Variants in PCDHGA9 observed in about 807,000 individuals in gnomAD.
The protein encoded by PCDHGA9 is protocadherin gamma subfamily A, 9.
In PCDHGA9, 37 loss-of-function variants were observed where a neutral mutation model predicts 62.5. The ratio of observed to expected loss-of-function variants is 0.59; its 90% CI spans 0.46 to 0.78. The LOEUF (loss-of-function observed/expected upper bound fraction) is 0.78. PCDHGA9 is among the 30% of genes least tolerant of loss of function. The pLI, the probability that PCDHGA9 is intolerant of heterozygous loss-of-function variation, is 0.00. For synonymous variants in PCDHGA9, 459 were observed against 484.6 expected (o/e 0.95, Z 0.69); for missense variants, 1,138 against 1,166.2 (o/e 0.98, Z 0.35).
Position 141,477,256 on chromosome 5 carries a change from T to G in PCDHGA9, c.2425-17551T>G. 2 of 1,614,210 alleles carry G rather than the reference T, an allele frequency of 1.2e-6. No homozygotes were observed. The highest frequency in any genetic ancestry group is 1.7e-6 in the Non-Finnish European group (2 of 1,180,038). On this transcript the variant is annotated intron_variant, in intron 1 of 3. Coordinates refer to ENST00000573521, the MANE Select transcript of PCDHGA9 (RefSeq NM_018921.3). This position sits in a 1 kb window ranked among gnomAD's most constrained non-coding sequence, Gnocchi z 4.9. Reference sequence around the variant, plus strand: ...CTTTGCTCAGTGTGACTGACCTGGATGCTGGCGAGAACGGGCTGGTGACCT... The same window carrying G: ...CTTTGCTCAGTGTGACTGACCTGGAGGCTGGCGAGAACGGGCTGGTGACCT...
At chr5:141,510,158 A>G (rs1406170246) in intron 3 of PCDHGA9, among the ~76,000 whole-genome samples, 1 of 152,018 alleles carries the variant, frequency 6.6e-6, no homozygotes, top group African/African-American at 2.4e-5. Flanking sequence ...CTGTAATCTC[A>G]GCTACTCAGG....
Position 141,423,176 on chromosome 5 carries a change from A to C in PCDHGA9, c.2424+17800A>C, listed in dbSNP as rs781125798. Reference sequence around the variant, plus strand: ...AGCCTCGTGGTGGCCGTCCAGGACCACGGCCAGCCCCCTCTCTCGGCCACC... The same window carrying C: ...AGCCTCGTGGTGGCCGTCCAGGACCCCGGCCAGCCCCCTCTCTCGGCCACC... On this transcript the variant is annotated intron_variant, in intron 1 of 3. Transcript: ENST00000573521. 1.7e-5 allele frequency: 28 copies of C among 1,613,356 alleles called. No homozygotes were observed. In the African/African-American group the frequency reaches 3.6e-4, roughly 21 times the overall value.
intron 1 of PCDHGA9, chr5:141,408,283 C>G (rs62378453): frequency 0.09 from 144,952 of 1,612,732 alleles, 7,152 homozygotes; most frequent in African/African-American, 0.18. Flanking sequence ...TGTTCTACCC[C>G]ACCCTGAGTG....
intron 1 of PCDHGA9, chr5:141,409,635 AC>A: frequency 6.2e-7 from 1 of 1,613,784 alleles, no homozygotes; most frequent in Non-Finnish European, 8.5e-7. Context: ...AGCGCCTCTG[AC>A]CCGGATTTGG....
In PCDHGA9 at chr5:141,423,512, C is replaced by T. The variant is rs765694240; in HGVS notation, c.2424+18136C>T. 55 of 1,613,552 alleles carry T rather than the reference C, an allele frequency of 3.4e-5. No individual in the cohort carries two copies. The highest frequency in any genetic ancestry group is 2.8e-4 in the African/African-American group (21 of 74,924). On this transcript the variant is annotated intron_variant, in intron 1 of 3. Coordinates refer to ENST00000573521, the MANE Select transcript of PCDHGA9 (RefSeq NM_018921.3). ...TATTCCCACGAGGTCTCTCTCATTGCGGACTCGCAGAAGAGTCACCTGATT... is the reference window on the plus strand; with the variant it reads ...TATTCCCACGAGGTCTCTCTCATTGTGGACTCGCAGAAGAGTCACCTGATT...
chr5:141,430,725 G>A (rs1436128094), intron 1 of PCDHGA9: 4 of 1,497,276 alleles, frequency 2.7e-6, no homozygotes, highest in Admixed American at 2.4e-5. Flanking sequence ...AGTGGTTAAG[G>A]GCAGAATTGA....
At position 141,505,425 on chromosome 5, in the gene PCDHGA9, C is replaced by G; in HGVS notation, c.2516C>G (p.Pro839Arg). 1 of 1,614,178 alleles carries G rather than the reference C, an allele frequency of 6.2e-7. No individual in the cohort carries two copies. Among genetic ancestry groups the G allele is most frequent in the Non-Finnish European group, 8.5e-7 (1 of 1,180,014 alleles). ...SQNGDDTGTW[P>R]NNQFDTEMLQ... ...AATGGCGATGACACCGGCACCTGGC[C>G]CAACAACCAGTTTGACACAGAGATG... The change falls in exon 3 of 4, where the codon CCC becomes CGC. Residue 839 changes from proline to arginine, a missense_variant. Transcript: ENST00000573521.
intron 1 of PCDHGA9, among the ~76,000 whole-genome samples, chr5:141,425,078 G>A (rs1196415752): frequency 3.9e-5 from 6 of 152,112 alleles, no homozygotes; most frequent in Admixed American, 6.5e-5. Flanking sequence ...AATTTCAACT[G>A]TAGGAAAGGC....
chr5:141,414,855 C>G, intron 1 of PCDHGA9: 1 of 1,614,238 alleles, frequency 6.2e-7, no homozygotes, highest in South Asian at 1.1e-5. Flanking sequence ...TGGACCAGAA[C>G]GACAATGCGC....
Position 141,402,902 on chromosome 5 carries a change from G to GA in PCDHGA9, c.-49dup. The GA allele has an allele frequency of 6.6e-7, 1 of 1,522,022 alleles. No individual in the cohort carries two copies. The highest frequency in any genetic ancestry group is 8.8e-7 in the Non-Finnish European group (1 of 1,136,254). 94.3% of individuals were successfully genotyped at this position (1,522,022 alleles called of 1,614,324 possible). A position where few individuals can be genotyped will look rare whatever the true frequency, so the allele number is the denominator to read the frequency against. ...TGCAGGGTGGAAGAAAGAACCTGAT[G>GA]AAGCAGCGCGCACAGAGATCCTTTT... is the stretch of plus-strand genomic sequence containing the variant. On this transcript the variant is annotated 5_prime_UTR_variant, in exon 1 of 4. An upstream open reading frame in the 5' UTR loses its in-frame stop. Coordinates refer to ENST00000573521, the MANE Select transcript of PCDHGA9 (RefSeq NM_018921.3).
intron 1 of PCDHGA9, chr5:141,423,450 T>G (rs571358720): frequency 1.2e-6 from 2 of 1,614,050 alleles, no homozygotes; most frequent in East Asian, 4.5e-5. Flanking sequence ...CGTCACATTT[T>G]GTAGGCGTGG....
chr5:141,463,018 T>C (rs1318740358), intron 1 of PCDHGA9, among the ~76,000 whole-genome samples: 1 of 152,212 alleles, frequency 6.6e-6, no homozygotes, highest in Admixed American at 6.5e-5. Flanking sequence ...AATTCTGACT[T>C]TTTTGATTAA....
Position 141,402,817 on chromosome 5 carries a change from C to T in PCDHGA9, c.-136C>T, listed in dbSNP as rs1040353038. On this transcript the variant is annotated 5_prime_UTR_variant, in exon 1 of 4. Transcript: ENST00000573521. ...ACAAAACCCGGCAGATACCACAAACCTGCTCCCAGGCTGCAGCAAAACTCA... is the reference window on the plus strand; with the variant it reads ...ACAAAACCCGGCAGATACCACAAACTTGCTCCCAGGCTGCAGCAAAACTCA... The T allele has an allele frequency of 6.3e-6, 8 of 1,267,616 alleles. No homozygotes were observed. In the African/African-American group the frequency reaches 1.2e-4, roughly 19 times the overall value. The allele number at this position is 1,267,616 out of a possible 1,614,324, so 78.5% of individuals were successfully genotyped here.
In PCDHGA9 at chr5:141,409,431, T is replaced by C. The variant is rs191277647; in HGVS notation, c.2424+4055T>C. 41 of 1,614,006 alleles carry C rather than the reference T, an allele frequency of 2.5e-5. No homozygotes were observed. In the African/African-American group the frequency reaches 3.9e-4, roughly 15 times the overall value. Reference sequence around the variant, plus strand: ...TACAAACTGGTGACAGATGGAGCCCTGGACCGAGAGCAGACACCAGAATAC... The same window carrying C: ...TACAAACTGGTGACAGATGGAGCCCCGGACCGAGAGCAGACACCAGAATAC... On this transcript the variant is annotated intron_variant, in intron 1 of 3. Transcript: ENST00000573521.
At position 141,489,590 on chromosome 5, in the gene PCDHGA9, T is replaced by C; in HGVS notation, c.2425-5217T>C. The C allele has an allele frequency of 6.2e-7, 1 of 1,614,044 alleles. No homozygotes were observed. Among genetic ancestry groups the C allele is most frequent in the Non-Finnish European group, 8.5e-7 (1 of 1,179,984 alleles). ...GTGACTGAACACCCCCTGGAGCTAA[T>C]CCGTGTAGAGGTAGAGATCCTGGAT... On this transcript the variant is annotated intron_variant, in intron 1 of 3. Transcript: ENST00000573521. The surrounding 1 kb of genome is among the most constrained non-coding windows in gnomAD (Gnocchi z 4.5).
chr5:141,422,686 C>T, intron 1 of PCDHGA9: 1 of 1,605,000 alleles, frequency 6.2e-7, no homozygotes, highest in East Asian at 2.2e-5. Flanking sequence ...ACAGAATGCC[C>T]TGGTCACTTA....
chr5:141,451,205 C>G (rs1023049434), intron 1 of PCDHGA9, among the ~76,000 whole-genome samples: 2 of 152,142 alleles, frequency 1.3e-5, no homozygotes, highest in African/African-American at 4.8e-5. Flanking sequence ...TATCCCAAAA[C>G]TTAGTGGCTT....
intron 1 of PCDHGA9, chr5:141,409,242 T>C (rs372196346): frequency 1.4e-5 from 22 of 1,613,864 alleles, no homozygotes; most frequent in Middle Eastern, 1.6e-4. Context: ...AGCCCAGAAA[T>C]AATCATCACT....
intron 2 of PCDHGA9, among the ~76,000 whole-genome samples, chr5:141,503,998 A>G (rs746158378): frequency 4.6e-5 from 7 of 152,104 alleles, no homozygotes; most frequent in Admixed American, 1.3e-4. Context: ...CCTTACAGTC[A>G]CTTAACTGTC....
Sources: allele counts gnomAD v4.1 joint callset (sites outside exome capture counted in the v4.1 genomes callset), GRCh38; gene constraint gnomAD v4.1.1; non-coding constraint Gnocchi (gnomAD v3.1); transcripts MANE v1.5; gene names NCBI Gene and HGNC (gene_info 2026-07-23, HGNC 2026-07-21).